ADGRV1: variants seen among roughly 807,000 people sequenced by gnomAD.
ADGRV1 encodes G-protein coupled receptor 98.
A neutral mutation model predicts 596.2 loss-of-function variants in ADGRV1; 359 were observed. That is an observed-to-expected ratio of 0.60 (90% CI 0.55 to 0.66). The LOEUF is 0.66. Ranked by LOEUF, ADGRV1 falls within the 30% of genes least tolerant of loss-of-function variation. The pLI is 0.00. For synonymous variants in ADGRV1, 2,681 were observed against 2,679.2 expected (o/e 1.00, Z -0.02); for missense variants, 7,274 against 7,575.6 (o/e 0.96, Z 1.48).
At chr5:90,754,911 A>C (rs1164889107) in intron 54 of ADGRV1, 72 bp from the exon 55 acceptor site, 1 of 1,060,042 alleles carries the variant, frequency 9.4e-7, no homozygotes, top group Non-Finnish European at 1.5e-6. Flanking sequence ...AGAGTGTTCC[A>C]CTCTAGGTCC....
chr5:90,868,621 C>A (rs76859973), intron 83 of ADGRV1, among the ~76,000 whole-genome samples: 1 of 150,982 alleles, frequency 6.6e-6, no homozygotes, highest in Non-Finnish European at 1.5e-5. Context: ...GCCCTCCCCC[C>A]GCTAGAATAA....
intron 52 of ADGRV1, among the ~76,000 whole-genome samples, chr5:90,750,005 A>G (rs561518109): frequency 8.5e-5 from 13 of 152,210 alleles, no homozygotes; most frequent in African/African-American, 3.1e-4. Flanking sequence ...TGAATTTAAG[A>G]ATAAGAGACA....
intron 1 of ADGRV1, among the ~76,000 whole-genome samples, chr5:90,613,573 G>A (rs1164841274): frequency 6.6e-6 from 1 of 152,096 alleles, no homozygotes; most frequent in Non-Finnish European, 1.5e-5. Flanking sequence ...AGGTTTGCCT[G>A]GAGAGAAGGG....
At chr5:90,600,320 A>G (rs1310830090) in intron 1 of ADGRV1, among the ~76,000 whole-genome samples, 1 of 151,852 alleles carries the variant, frequency 6.6e-6, no homozygotes, top group Non-Finnish European at 1.5e-5. Context: ...CCACCTCACA[A>G]CAGGCCTTGG....
chr5:90,666,104 G>A (rs532114336), intron 21 of ADGRV1, among the ~76,000 whole-genome samples: 1 of 151,226 alleles, frequency 6.6e-6, no homozygotes, highest in East Asian at 2.0e-4. Context: ...ATTTGGGGTG[G>A]AGAGTTCTGT....
chr5:90,927,756 G>T (rs1456509376), intron 83 of ADGRV1, among the ~76,000 whole-genome samples: 1 of 152,118 alleles, frequency 6.6e-6, no homozygotes, highest in African/African-American at 2.4e-5. Flanking sequence ...GCTTGATTTT[G>T]CAGTGGCTGG....
At chr5:91,073,021 CAG>C (rs1788525088) in intron 86 of ADGRV1, among the ~76,000 whole-genome samples, 1 of 152,160 alleles carries the variant, frequency 6.6e-6, no homozygotes, top group Non-Finnish European at 1.5e-5. Flanking sequence ...GTTGTGCTGA[CAG>C]ATGTTTAAAA....
At chr5:90,941,447 G>A (rs1159816480) in intron 83 of ADGRV1, among the ~76,000 whole-genome samples, 2 of 152,166 alleles carry the variant, frequency 1.3e-5, no homozygotes, top group Non-Finnish European at 2.9e-5. Context: ...GGTGATTATA[G>A]GTCTTCTGGT....
chr5:90,704,335 G>C, intron 35 of ADGRV1, 54 bp from the exon 36 acceptor site: 1 of 1,036,178 alleles, frequency 9.7e-7, no homozygotes, highest in Non-Finnish European at 1.4e-6. Flanking sequence ...TAAAGCAGGA[G>C]ATAGTTCATA....
At chr5:91,055,953 G>A (rs1263941010) in intron 85 of ADGRV1, among the ~76,000 whole-genome samples, 1 of 152,170 alleles carries the variant, frequency 6.6e-6, no homozygotes, top group African/African-American at 2.4e-5. Flanking sequence ...GTAAAAATCT[G>A]TGCTTCTGGA....
intron 32 of ADGRV1, among the ~76,000 whole-genome samples, chr5:90,693,137 G>GTT (rs138813234): frequency 1.5e-5 from 2 of 131,774 alleles, no homozygotes; most frequent in Non-Finnish European, 3.2e-5. Context: ...TTCCAGGTCT[G>GTT]TTTTTTTTTT....
intron 85 of ADGRV1, among the ~76,000 whole-genome samples, chr5:91,027,664 A>G (rs1175127312): frequency 1.3e-5 from 2 of 152,164 alleles, no homozygotes; most frequent in Non-Finnish European, 1.5e-5. Context: ...TTAGTGTACT[A>G]TGCTTTATAC....
chr5:90,791,048 G>T lies in ADGRV1; in HGVS notation c.14219G>T (p.Gly4740Val). Residue 4740 changes from glycine to valine, a missense_variant, in exon 70 of 90, where the codon GGA (glycine) becomes GTA (valine). By Grantham distance (109) the Gly-to-Val change is moderately radical. Transcript: ENST00000405460. ...YVIQLVSVEGGAELDLEKSIT... is the reference protein window; with the variant it reads ...YVIQLVSVEGVAELDLEKSIT... ...ATCCAGCTTGTTTCTGTAGAGGGAG[G>T]AGCCGAACTGGATCTGGAGAAGAGT... 6.2e-7 allele frequency: 1 copy of T among 1,613,938 alleles called. No homozygotes were observed. The highest frequency in any genetic ancestry group is 8.5e-7 in the Non-Finnish European group (1 of 1,179,876).
chr5:90,635,672 A>G (rs1561428885), intron 10 of ADGRV1, among the ~76,000 whole-genome samples: 1 of 151,740 alleles, frequency 6.6e-6, no homozygotes, highest in Non-Finnish European at 1.5e-5. Flanking sequence ...AGCTCAGTGC[A>G]ACCTCTGCCC....
chr5:90,662,525 G>T (rs1021845255), intron 21 of ADGRV1, among the ~76,000 whole-genome samples: 1 of 151,794 alleles, frequency 6.6e-6, no homozygotes. Flanking sequence ...AACCTCAGGC[G>T]TTATGTTATT....
At chr5:90,924,202 T>C (rs369186045) in intron 83 of ADGRV1, among the ~76,000 whole-genome samples, 1 of 151,710 alleles carries the variant, frequency 6.6e-6, no homozygotes, top group Non-Finnish European at 1.5e-5. Context: ...TGAGGAATCA[T>C]CACACTGACT....
chr5:90,565,021 G>C (rs146626276), intron 1 of ADGRV1, among the ~76,000 whole-genome samples: 1,893 of 152,180 alleles, frequency 0.012, 35 homozygotes, highest in African/African-American at 0.043. Context: ...GGTCACCTGA[G>C]GTCAGGAGTT....
intron 29 of ADGRV1, among the ~76,000 whole-genome samples, chr5:90,688,400 C>T (rs1390637154): frequency 6.6e-6 from 1 of 152,128 alleles, no homozygotes; most frequent in South Asian, 2.1e-4. Context: ...CTCTGTCACC[C>T]AGGGTGGAGT....
intron 86 of ADGRV1, among the ~76,000 whole-genome samples, chr5:91,077,250 A>G (rs1465515605): frequency 6.6e-6 from 1 of 152,200 alleles, no homozygotes; most frequent in African/African-American, 2.4e-5. Flanking sequence ...TAGACCTGAT[A>G]TCTCCTGGGG....
Sources: gnomAD v4.1 joint callset for allele counts (sites outside exome capture counted in the v4.1 genomes callset) on GRCh38, gnomAD v4.1.1 for gene constraint, MANE v1.5 for transcripts, NCBI Gene and HGNC (gene_info 2026-07-23, HGNC 2026-07-21) for gene names.